The following ITGA5 variants were observed in gnomAD, a reference collection of about 807,000 sequenced individuals.
The protein encoded by ITGA5 is integrin alpha-5.
In ITGA5, 55 loss-of-function variants were observed where a neutral mutation model predicts 146.3. The ratio of observed to expected loss-of-function variants is 0.38; its 90% CI spans 0.30 to 0.47. The LOEUF (loss-of-function observed/expected upper bound fraction) is 0.47. ITGA5 is among the 20% of genes least tolerant of loss of function. The pLI is 0.99. For synonymous variants in ITGA5, 500 were observed against 531.8 expected (o/e 0.94, Z 0.82); for missense variants, 1,131 against 1,329.0 (o/e 0.85, Z 2.32).
In ITGA5 at chr12:54,401,536, A is replaced by T. The variant is rs1398880289; in HGVS notation, c.2387+49T>A. ...AGGAACCCCATATGCATCCTTCCCT[A>T]GAAGTCTGTGTCCCCTCTCAGAAAG... On this transcript the variant is annotated intron_variant, in intron 23 of 29. Coordinates refer to ENST00000293379, the MANE Select transcript of ITGA5 (RefSeq NM_002205.5). The surrounding 1 kb of genome is among the most constrained non-coding windows in gnomAD (Gnocchi z 5.0). The T allele has an allele frequency of 6.2e-7, 1 of 1,606,796 alleles. No homozygotes were observed. The highest frequency in any genetic ancestry group is 8.5e-7 in the Non-Finnish European group (1 of 1,173,772).
intron 2 of ITGA5, among the ~76,000 whole-genome samples, chr12:54,411,312 T>A (rs1292628103): frequency 1.3e-5 from 2 of 152,352 alleles, no homozygotes; most frequent in East Asian, 3.9e-4. Context: ...GTTGAAAAGA[T>A]TAAGTGAACT....
Position 54,401,450 on chromosome 12 carries a change from G to A in ITGA5, c.2416C>T (p.Pro806Ser). The stretch of plus-strand genomic sequence containing the variant: ...TCTCGGGGATGCCAGTCGCTTACTG[G>A]GAATAGCACTGCCTCAGGCTTGGAG... ...GVSKPEAVLF[P>S]VSDWHPRDQP... is the part of the protein sequence containing the mutation. Residue 806 changes from proline to serine, a missense_variant, in exon 24 of 30, where the codon CCA (proline) becomes TCA (serine). Transcript: ENST00000293379. The surrounding 1 kb of genome is among the most constrained non-coding windows in gnomAD (Gnocchi z 5.0). 6.2e-7 allele frequency: 1 copy of A among 1,614,050 alleles called. No homozygotes were observed. The highest frequency in any genetic ancestry group is 1.1e-5 in the South Asian group (1 of 91,070).
chr12:54,416,199 A>G lies in ITGA5; in HGVS notation c.218+2782T>C, dbSNP rs1483950322. ...ATTCTCCTGCCTCAGTTTCCCGAGTAGCTGGGATTACAGGTGCGTGCCAGC... is the reference window on the plus strand; with the variant it reads ...ATTCTCCTGCCTCAGTTTCCCGAGTGGCTGGGATTACAGGTGCGTGCCAGC... On this transcript the variant is annotated intron_variant, in intron 1 of 29. Coordinates refer to ENST00000293379, the MANE Select transcript of ITGA5 (RefSeq NM_002205.5). This position sits in a 1 kb window ranked among gnomAD's most constrained non-coding sequence, Gnocchi z 4.1. Among the ~76,000 whole-genome samples the G allele has an allele frequency of 6.6e-6, 1 of 152,176 alleles. No homozygotes were observed. Among genetic ancestry groups the G allele is most frequent in the East Asian group, 1.9e-4 (1 of 5,194 alleles).
Position 54,401,653 on chromosome 12 carries a change from G to T in ITGA5, c.2319C>A (p.Asn773Lys), listed in dbSNP as rs746408856. 6.2e-7 allele frequency: 1 copy of T among 1,614,218 alleles called. No individual in the cohort carries two copies. The highest frequency in any genetic ancestry group is 1.3e-5 in the African/African-American group (1 of 75,060). Reference sequence around the variant, plus strand: ...AGGAAACCACGTCGCTTTGCGAGTTGTTGAGATTCTTGCTGTGGGATGGAG... The same window carrying T: ...AGGAAACCACGTCGCTTTGCGAGTTTTTGAGATTCTTGCTGTGGGATGGAG... ...FDFQILSKNLNNSQSDVVSFR... is the reference protein window; with the variant it reads ...FDFQILSKNLKNSQSDVVSFR... Residue 773 changes from asparagine to lysine, a missense_variant, in exon 23 of 30, where the codon AAC becomes AAA. Coordinates refer to ENST00000293379, the MANE Select transcript of ITGA5 (RefSeq NM_002205.5). This position sits in a 1 kb window ranked among gnomAD's most constrained non-coding sequence, Gnocchi z 5.0.
intron 27 of ITGA5, among the ~76,000 whole-genome samples, chr12:54,399,311 A>G (rs1366788657): frequency 1.3e-5 from 2 of 152,256 alleles, no homozygotes; most frequent in East Asian, 3.8e-4. Context: ...TGTGTGCTCA[A>G]GAAGTGACTG....
In ITGA5 at chr12:54,396,191, TGGCCGTCAGCACCTTCAAGAAGTACCCA is replaced by T; in HGVS notation, c.*74_*101del. 1.1e-6 allele frequency: 1 copy of T among 908,568 alleles called. No homozygotes were observed. The highest frequency in any genetic ancestry group is 1.8e-6 in the Non-Finnish European group (1 of 569,228). 56.3% of individuals were successfully genotyped at this position (908,568 alleles called of 1,614,324 possible). On this transcript the variant is annotated 3_prime_UTR_variant, in exon 30 of 30. Coordinates refer to ENST00000293379, the MANE Select transcript of ITGA5 (RefSeq NM_002205.5). ...TGGGCTGGGGAGAGGAGCTTCTCCCTGGCCGTCAGCACCTTCAAGAAGTACCCAGACCCCTCCTTTTCAGTAGAATGAG... is the reference window on the plus strand; with the variant it reads ...TGGGCTGGGGAGAGGAGCTTCTCCCTGACCCCTCCTTTTCAGTAGAATGAG...
intron 2 of ITGA5, among the ~76,000 whole-genome samples, chr12:54,410,876 G>A (rs1178333379): frequency 6.6e-6 from 1 of 152,266 alleles, no homozygotes; most frequent in East Asian, 1.9e-4. Context: ...ACAGGCAAGT[G>A]CCACCATGCC....
chr12:54,401,382 A>G lies in ITGA5; in HGVS notation c.2484T>C (p.His828=). ...CCCCTTCCCCCCTTACCTCATAGAC[A>G]TGGTGGACAGCAGGTCCCAGGTCCT... The part of the protein sequence containing the change: ...KEEDLGPAVH[H]VYELINQGPS... The change falls in exon 24 of 30, where the codon CAT becomes CAC. Residue 828 remains histidine (H), a synonymous_variant. Coordinates refer to ENST00000293379, the MANE Select transcript of ITGA5 (RefSeq NM_002205.5). This position sits in a 1 kb window ranked among gnomAD's most constrained non-coding sequence, Gnocchi z 5.0. 6.2e-7 allele frequency: 1 copy of G among 1,609,588 alleles called. No individual in the cohort carries two copies. The highest frequency in any genetic ancestry group is 8.5e-7 in the Non-Finnish European group (1 of 1,176,674).
Position 54,401,359 on chromosome 12 carries a change from C to A in ITGA5, c.2493+14G>T, listed in dbSNP as rs1260867539. On this transcript the variant is annotated intron_variant, in intron 24 of 29. Coordinates refer to ENST00000293379, the MANE Select transcript of ITGA5 (RefSeq NM_002205.5). This position sits in a 1 kb window ranked among gnomAD's most constrained non-coding sequence, Gnocchi z 5.0. ...TCCCATCATTCATTCTGGCCCTGCC[C>A]CTTCCCCCCTTACCTCATAGACATG... The A allele has an allele frequency of 1.0e-5, 16 of 1,573,146 alleles. No individual in the cohort carries two copies. The highest frequency in any genetic ancestry group is 1.3e-5 in the Non-Finnish European group (15 of 1,142,788).
At chr12:54,407,276 C>T (rs1189154476) in intron 9 of ITGA5, 6 of 243,960 alleles carry the variant, frequency 2.5e-5, no homozygotes, top group African/African-American at 8.7e-5. Flanking sequence ...TCCGATGGCA[C>T]TCTTATCTGT....
rs776373470 is a variant in ITGA5 at position 54,403,819 on chromosome 12, C to T, written c.1622-40G>A. 11 of 1,611,022 alleles carry T rather than the reference C, an allele frequency of 6.8e-6. No individual in the cohort carries two copies. In the South Asian group the frequency reaches 9.9e-5, roughly 14 times the overall value. ...ATATAAAGGGAAACTGCCTGTCTTT[C>T]CTCATCTTTTCAGAGAGAAGAAATG... On this transcript the variant is annotated intron_variant, in intron 16 of 29. Transcript: ENST00000293379. This position sits in a 1 kb window ranked among gnomAD's most constrained non-coding sequence, Gnocchi z 4.9.
intron 1 of ITGA5, among the ~76,000 whole-genome samples, chr12:54,414,220 C>T (rs1000378670): frequency 2.0e-5 from 3 of 152,212 alleles, no homozygotes; most frequent in African/African-American, 7.2e-5. Context: ...GCCTCCCCTG[C>T]CAACACGCCA....
In ITGA5 at chr12:54,409,671, C is replaced by G. The variant is rs1955916562; in HGVS notation, c.350-74G>C. ...CTCTAGGGCAGCCCCTACCCTCAGC[C>G]TGGGGATACCCAACAAACGCTTCCA... On this transcript the variant is annotated intron_variant, in intron 2 of 29. Transcript: ENST00000293379. This position sits in a 1 kb window ranked among gnomAD's most constrained non-coding sequence, Gnocchi z 4.7. The G allele has an allele frequency of 1.1e-6, 1 of 937,568 alleles. No individual in the cohort carries two copies. The highest frequency in any genetic ancestry group is 1.6e-6 in the Non-Finnish European group (1 of 613,520). The allele number at this position is 937,568 out of a possible 1,614,324, so 58.1% of individuals were successfully genotyped here. A position where few individuals can be genotyped will look rare whatever the true frequency, so the allele number is the denominator to read the frequency against.
chr12:54,405,409 C>T (rs779974942), intron 11 of ITGA5, 35 bp from the exon 12 acceptor site: 6 of 1,508,284 alleles, frequency 4.0e-6, no homozygotes, highest in Non-Finnish European at 5.4e-6. Flanking sequence ...ATCTCGATAC[C>T]CTGTCTTGCC....
At chr12:54,407,390 T>C in intron 9 of ITGA5, 1 of 526,552 alleles carries the variant, frequency 1.9e-6, no homozygotes, top group South Asian at 2.5e-5. Flanking sequence ...CATTTCATCC[T>C]TGCCAGAGCC....
intron 14 of ITGA5, 83 bp downstream of exon 14, chr12:54,404,347 A>AT: frequency 6.3e-7 from 1 of 1,581,220 alleles, no homozygotes; most frequent in Admixed American, 1.7e-5. Flanking sequence ...CTCTGCATTG[A>AT]TTTTCCCAAC....
rs1320541891 is a variant in ITGA5, at chr12:54,405,380, G to A, written c.1017-6C>T. On this transcript the variant is annotated splice_polypyrimidine_tract_variant and splice_region_variant and intron_variant, in intron 11 of 29. Coordinates refer to ENST00000293379, the MANE Select transcript of ITGA5 (RefSeq NM_002205.5). ...CCACCAGCAAGTCATCCAGCCTGAG[G>A]GGAAGGGCAAACCCAGGCATCTCGA... 2 of 1,596,576 alleles carry A rather than the reference G, an allele frequency of 1.3e-6. No individual in the cohort carries two copies. Among genetic ancestry groups the A allele is most frequent in the Non-Finnish European group, 8.5e-7 (1 of 1,170,504 alleles).
In ITGA5 at chr12:54,405,248, A is replaced by G; in HGVS notation, c.1143T>C (p.Leu381=). 6.2e-7 allele frequency: 1 copy of G among 1,613,846 alleles called. No homozygotes were observed. The highest frequency in any genetic ancestry group is 1.6e-4 in the Middle Eastern group (1 of 6,062). ...CAAACTCATCATGGCCAGTGAGGGT[A>G]AGGGTGGGCGTGGGCTCTATGCCGG... is the stretch of plus-strand genomic sequence containing the variant. ...HPAGIEPTPT[L]TLTGHDEFGR... Residue 381 remains leucine, a synonymous_variant, in exon 12 of 30, where the codon CTT becomes CTC. Coordinates refer to ENST00000293379, the MANE Select transcript of ITGA5 (RefSeq NM_002205.5).
intron 27 of ITGA5, 133 bp from the exon 28 acceptor site, chr12:54,398,831 CTCTCTTTTTT>C: frequency 4.5e-6 from 2 of 449,328 alleles, no homozygotes; most frequent in South Asian, 5.9e-5. Context: ...CTCTCTCTCT[CTCTCTTTTTT>C]TTTTTTTTTT....
Sources: gnomAD v4.1 joint callset for allele counts (sites outside exome capture counted in the v4.1 genomes callset) on GRCh38, gnomAD v4.1.1 for gene constraint, Gnocchi (gnomAD v3.1) non-coding constraint, MANE v1.5 for transcripts, NCBI Gene and HGNC (gene_info 2026-07-23, HGNC 2026-07-21) for gene names.